The following DNTT variants were observed in gnomAD, a reference collection of about 807,000 sequenced individuals.
DNTT encodes nucleosidetriphosphate:DNA deoxynucleotidylexotransferase.
In DNTT, 47 loss-of-function variants were observed where a neutral mutation model predicts 60.9. That is an observed-to-expected ratio of 0.77 (90% CI 0.61 to 0.98). The LOEUF (loss-of-function observed/expected upper bound fraction) is 0.98, where lower values mean the gene tolerates loss of function less well. Among genes scored for constraint, DNTT ranks in the 50% least tolerant of loss-of-function variants. The pLI, the probability that DNTT is intolerant of heterozygous loss-of-function variation, is 0.00. For missense variants in DNTT, 665 were observed against 627.5 expected (o/e 1.06, Z -0.64); for synonymous variants, 224 against 221.2 (o/e 1.01, Z -0.11).
intron 9 of DNTT, among the ~76,000 whole-genome samples, chr10:96,334,673 C>A (rs550555851): frequency 6.6e-6 from 1 of 152,114 alleles, no homozygotes; most frequent in South Asian, 2.1e-4. Context: ...TGTTGACTGA[C>A]AACTAAATGC....
intron 8 of DNTT, among the ~76,000 whole-genome samples, chr10:96,329,958 G>T (rs1302894744): frequency 7.9e-5 from 12 of 152,192 alleles, no homozygotes; most frequent in Non-Finnish European, 1.8e-4. Context: ...AGGATGGAGA[G>T]GTGGGGAAAT....
intron 4 of DNTT, among the ~76,000 whole-genome samples, chr10:96,321,781 G>A (rs966013102): frequency 6.6e-6 from 1 of 152,064 alleles, no homozygotes; most frequent in Non-Finnish European, 1.5e-5. Context: ...CTGGTTTGGA[G>A]GGGGGAGCCC....
chr10:96,308,217 C>T (rs1844667335), intron 1 of DNTT, among the ~76,000 whole-genome samples: 1 of 152,144 alleles, frequency 6.6e-6, no homozygotes, highest in Non-Finnish European at 1.5e-5. Context: ...AAATGGTGTA[C>T]CTCAAAGTGT....
chr10:96,310,859 G>C (rs1250015158), intron 1 of DNTT, among the ~76,000 whole-genome samples: 1 of 152,146 alleles, frequency 6.6e-6, no homozygotes, highest in African/African-American at 2.4e-5. Context: ...TGCAATGCAT[G>C]AGTATTAATT....
intron 9 of DNTT, among the ~76,000 whole-genome samples, chr10:96,333,182 G>C (rs953613135): frequency 5.3e-5 from 8 of 152,174 alleles, no homozygotes; most frequent in African/African-American, 1.9e-4. Flanking sequence ...TTTCTCAAAA[G>C]AAGACATATA....
intron 1 of DNTT, among the ~76,000 whole-genome samples, chr10:96,316,660 C>G (rs1320090241): frequency 6.6e-6 from 1 of 152,192 alleles, no homozygotes; most frequent in Non-Finnish European, 1.5e-5. Flanking sequence ...CCAGGAGAAC[C>G]CTAAGTTCTG....
At chr10:96,324,245 A>G (rs758352716) in intron 5 of DNTT, 21 bp from the exon 6 acceptor site, 4 of 1,608,158 alleles carry the variant, frequency 2.5e-6, no homozygotes, top group Non-Finnish European at 3.4e-6. Context: ...GACTGATGGC[A>G]TGCCTTTCCC....
intron 1 of DNTT, among the ~76,000 whole-genome samples, chr10:96,305,698 CTGACAAGCA>C (rs1438481802): frequency 6.6e-6 from 1 of 152,320 alleles, no homozygotes; most frequent in African/African-American, 2.4e-5. Flanking sequence ...GAAAATAAAA[CTGACAAGCA>C]TGTCATGCAG....
intron 6 of DNTT, 137 bp downstream of exon 6, chr10:96,324,526 T>A (rs1844918562): frequency 7.3e-7 from 1 of 1,372,960 alleles, no homozygotes; most frequent in Admixed American, 2.1e-5. Flanking sequence ...TGGATCTAAA[T>A]CCTAGCTCCA....
chr10:96,327,569 G>T lies in DNTT; in HGVS notation c.976G>T (p.Ala326Ser). The change falls in exon 7 of 11, where the codon GCT (alanine) becomes TCT (serine). Residue 326 changes from alanine (A) to serine (S), a missense_variant. Transcript: ENST00000371174. Reference sequence around the variant, plus strand: ...GGCTGTCTGGGCATTTCTTCCGGATGCTTTCGTCACCATGACAGGAGGGTT... The same window carrying T: ...GGCTGTCTGGGCATTTCTTCCGGATTCTTTCGTCACCATGACAGGAGGGTT... ...KEAVWAFLPDAFVTMTGGFRR... is the reference protein window; with the variant it reads ...KEAVWAFLPDSFVTMTGGFRR... The T allele has an allele frequency of 6.2e-7, 1 of 1,613,982 alleles. No individual in the cohort carries two copies. The highest frequency in any genetic ancestry group is 8.5e-7 in the Non-Finnish European group (1 of 1,179,948).
intron 1 of DNTT, among the ~76,000 whole-genome samples, chr10:96,315,998 G>A (rs11591467): frequency 0.1 from 15,190 of 151,988 alleles, 836 homozygotes; most frequent in South Asian, 0.17. Context: ...CATCCAGATG[G>A]TCTCAGCTCT....
rs1844914654 is a variant in DNTT, at chr10:96,324,313, GTT to G, written c.799_800del (p.Phe267GlnfsTer9). Reference sequence around the variant, plus strand: ...TGGGGCTGAAGACTTCTGAGAAGTGGTTCAGGATGGGTTTCAGAACTCTGAGT... The same window carrying G: ...TGGGGCTGAAGACTTCTGAGAAGTGGCAGGATGGGTTTCAGAACTCTGAGT... ...GVGLKTSEKW[F>X]RMGFRTLSKV... On this transcript the variant is annotated frameshift_variant, in exon 6 of 11. Transcript: ENST00000371174. LOFTEE classifies it high-confidence loss of function. The G allele has an allele frequency of 1.2e-6, 2 of 1,613,598 alleles. No homozygotes were observed. The highest frequency in any genetic ancestry group is 1.3e-5 in the African/African-American group (1 of 74,880).
rs1168746551 is a variant in DNTT, at chr10:96,318,338, C to T, written c.204-14C>T. The stretch of plus-strand genomic sequence containing the variant: ...AAGATGTTTCAGCTGGTAACTCTGT[C>T]TTGCATTTTGCAGTGATTCTGTCAC... On this transcript the variant is annotated splice_polypyrimidine_tract_variant and intron_variant, in intron 1 of 10. Coordinates refer to ENST00000371174, the MANE Select transcript of DNTT (RefSeq NM_004088.4). The T allele has an allele frequency of 6.2e-7, 1 of 1,603,126 alleles. No homozygotes were observed. Among genetic ancestry groups the T allele is most frequent in the Non-Finnish European group, 8.5e-7 (1 of 1,173,032 alleles).
At position 96,327,502 on chromosome 10, in the gene DNTT, G is replaced by T; in HGVS notation, c.909G>T (p.Val303=). The T allele has an allele frequency of 1.2e-6, 2 of 1,614,112 alleles. No homozygotes were observed. Among genetic ancestry groups the T allele is most frequent in the Non-Finnish European group, 8.5e-7 (1 of 1,179,970 alleles). ...ATTATGAAGACCTTGTCAGCTGTGT[G>T]ACCAGGGCAGAAGCAGAGGCCGTCA... ...FLYYEDLVSC[V]TRAEAEAVSV... is the part of the protein sequence containing the mutation. The change falls in exon 7 of 11, where the codon GTG becomes GTT. Residue 303 remains valine, a synonymous_variant. Transcript: ENST00000371174.
In DNTT at chr10:96,322,747, A is replaced by G. The variant is rs776088709; in HGVS notation, c.750+19A>G. ...CTTCAAAGTAAGTGATTTTACATATATTTATTGAAAATTGTTTTTCAGTTA... is the reference window on the plus strand; with the variant it reads ...CTTCAAAGTAAGTGATTTTACATATGTTTATTGAAAATTGTTTTTCAGTTA... On this transcript the variant is annotated intron_variant, in intron 5 of 10. Coordinates refer to ENST00000371174, the MANE Select transcript of DNTT (RefSeq NM_004088.4). The G allele has an allele frequency of 3.2e-6, 5 of 1,569,670 alleles. No individual in the cohort carries two copies. In the East Asian group the frequency reaches 9.1e-5, roughly 29 times the overall value.
chr10:96,314,133 G>A (rs767470166), intron 1 of DNTT, among the ~76,000 whole-genome samples: 62 of 152,292 alleles, frequency 4.1e-4, no homozygotes, highest in Middle Eastern at 3.4e-3. Flanking sequence ...AAGGCAATAC[G>A]TTTACTGCTG....
At chr10:96,328,897 A>G in intron 8 of DNTT, 67 bp downstream of exon 8, 1 of 1,474,470 alleles carries the variant, frequency 6.8e-7, no homozygotes, top group Non-Finnish European at 9.3e-7. Context: ...TTTGCACATT[A>G]CTTGCCTTAT....
intron 1 of DNTT, among the ~76,000 whole-genome samples, chr10:96,307,343 G>GTTTTTTTTT (rs533516556): frequency 5.9e-5 from 4 of 67,604 alleles, no homozygotes; most frequent in African/African-American, 2.6e-4. Flanking sequence ...GGGTTTTCCA[G>GTTTTTTTTT]TTTTTTTTTT....
intron 1 of DNTT, among the ~76,000 whole-genome samples, chr10:96,307,773 A>T (rs1277357840): frequency 0.12 from 12,321 of 100,262 alleles, 942 homozygotes; most frequent in Non-Finnish European, 0.16. Context: ...ATATATATAT[A>T]TATATTTTTT....
Sources: gnomAD v4.1 joint callset for allele counts (sites outside exome capture counted in the v4.1 genomes callset) on GRCh38, gnomAD v4.1.1 for gene constraint, MANE v1.5 for transcripts, NCBI Gene and HGNC (gene_info 2026-07-23, HGNC 2026-07-21) for gene names.